Variants in DCC observed in about 807,000 individuals in gnomAD.
DCC encodes DCC netrin 1 receptor.
A neutral mutation model predicts 172.5 loss-of-function variants in DCC; 58 were observed. The observed-to-expected ratio is 0.34, with a 90% CI of 0.27 to 0.42. DCC has a LOEUF of 0.42. Among genes scored for constraint, DCC ranks in the 10% least tolerant of loss-of-function variants. The pLI is 1.00. For synonymous variants in DCC, 709 were observed against 644.5 expected (o/e 1.10, Z -1.52); for missense variants, 1,740 against 1,791.0 (o/e 0.97, Z 0.51).
chr18:52,987,224 G>T (rs1337527461), intron 5 of DCC, among the ~76,000 whole-genome samples: 1 of 152,056 alleles, frequency 6.6e-6, no homozygotes, highest in East Asian at 1.9e-4. Context: ...AAGCAATCAG[G>T]TTTTCACCAG....
chr18:53,333,811 T>C (rs1361460981), intron 14 of DCC, among the ~76,000 whole-genome samples: 1 of 152,250 alleles, frequency 6.6e-6, no homozygotes, highest in Non-Finnish European at 1.5e-5. Flanking sequence ...TTATTTTAAA[T>C]ACCACATATA....
intron 1 of DCC, among the ~76,000 whole-genome samples, chr18:52,451,397 G>C (rs935622614): frequency 6.6e-6 from 1 of 152,116 alleles, no homozygotes; most frequent in Admixed American, 6.5e-5. Context: ...GGAGGCAAGG[G>C]ATTCAAAAAG....
chr18:52,595,539 C>T (rs1288651158), intron 1 of DCC, among the ~76,000 whole-genome samples: 1 of 152,116 alleles, frequency 6.6e-6, no homozygotes, highest in Non-Finnish European at 1.5e-5. Flanking sequence ...ACATTCTTCC[C>T]TCATTCAAAT....
intron 9 of DCC, among the ~76,000 whole-genome samples, chr18:53,190,675 A>G (rs2055353366): frequency 6.6e-6 from 1 of 152,128 alleles, no homozygotes; most frequent in Admixed American, 6.5e-5. Context: ...AGCAGGGCGT[A>G]GTGGTTCACG....
At chr18:53,362,087 A>G (rs1302194716) in intron 15 of DCC, among the ~76,000 whole-genome samples, 1 of 152,186 alleles carries the variant, frequency 6.6e-6, no homozygotes, top group East Asian at 1.9e-4. Context: ...TGGTAATGAT[A>G]CAATAATAAT....
intron 15 of DCC, among the ~76,000 whole-genome samples, chr18:53,358,254 T>C (rs1033757073): frequency 2.0e-5 from 3 of 152,120 alleles, no homozygotes; most frequent in Non-Finnish European, 2.9e-5. Context: ...TATAATATAA[T>C]GCATTATTAT....
At chr18:52,506,531 C>A (rs945885916) in intron 1 of DCC, among the ~76,000 whole-genome samples, 1 of 151,912 alleles carries the variant, frequency 6.6e-6, no homozygotes, top group Non-Finnish European at 1.5e-5. Context: ...GTGCTCAGGA[C>A]AAATAAAGCA....
chr18:52,666,016 G>A (rs1363608548), intron 1 of DCC, among the ~76,000 whole-genome samples: 6 of 152,112 alleles, frequency 3.9e-5, no homozygotes, highest in Non-Finnish European at 5.9e-5. Flanking sequence ...TAAGAAATTC[G>A]GCCGGGTGCC....
At chr18:53,271,260 G>A (rs376197452) in intron 12 of DCC, among the ~76,000 whole-genome samples, 1 of 152,192 alleles carries the variant, frequency 6.6e-6, no homozygotes, top group South Asian at 2.1e-4. Context: ...ATTTAAAGGA[G>A]GTTTTTAACT....
chr18:53,112,804 A>G (rs2043352236), intron 7 of DCC, among the ~76,000 whole-genome samples: 1 of 151,584 alleles, frequency 6.6e-6, no homozygotes, highest in African/African-American at 2.4e-5. Flanking sequence ...ATAAGGCCAC[A>G]GAATATGGTG....
chr18:53,341,054 G>A lies in DCC; in HGVS notation c.2359+1147G>A, dbSNP rs532637773. 2.1e-4 allele frequency among the ~76,000 whole-genome samples: 32 copies of A among 152,270 alleles called. 1 individual carries two copies. Among genetic ancestry groups the A allele is most frequent in the South Asian group, 1.5e-3 (7 of 4,820 alleles). On this transcript the variant is annotated intron_variant, in intron 15 of 28. Coordinates refer to ENST00000442544, the MANE Select transcript of DCC (RefSeq NM_005215.4). ...ATCTCCACAATTTATTTAGCTTGGCGTTTAGAAATAATATTCTTTCCATCA... is the reference window on the plus strand; with the variant it reads ...ATCTCCACAATTTATTTAGCTTGGCATTTAGAAATAATATTCTTTCCATCA...
chr18:53,423,583 GTCT>G (rs1439610567), intron 21 of DCC, among the ~76,000 whole-genome samples: 2 of 152,120 alleles, frequency 1.3e-5, no homozygotes, highest in South Asian at 2.1e-4. Flanking sequence ...ACTAAGCAAA[GTCT>G]TCTTTGAGAC....
intron 5 of DCC, among the ~76,000 whole-genome samples, chr18:52,966,872 T>C (rs139200523): frequency 0.014 from 2,057 of 152,326 alleles, 60 homozygotes; most frequent in African/African-American, 0.047. Context: ...ACCACTTGAA[T>C]TGAATTTTGC....
chr18:52,988,239 T>C (rs138330724), intron 5 of DCC, among the ~76,000 whole-genome samples: 3 of 146,992 alleles, frequency 2.0e-5, no homozygotes. Flanking sequence ...GATGTAAGCA[T>C]ATTTTAAATT....
chr18:52,835,847 A>C (rs1257042354), intron 2 of DCC, among the ~76,000 whole-genome samples: 1 of 152,244 alleles, frequency 6.6e-6, no homozygotes. Flanking sequence ...AACATTTAAA[A>C]ATATTTCAAA....
intron 13 of DCC, among the ~76,000 whole-genome samples, chr18:53,311,286 T>TA (rs1475745623): frequency 6.6e-6 from 1 of 152,104 alleles, no homozygotes; most frequent in African/African-American, 2.4e-5. Flanking sequence ...CACACCTGGC[T>TA]AATTTTTTGT....
chr18:53,356,792 A>G (rs2057883300), intron 15 of DCC, among the ~76,000 whole-genome samples: 2 of 152,186 alleles, frequency 1.3e-5, no homozygotes, highest in African/African-American at 4.8e-5. Flanking sequence ...ATTCTTCCCC[A>G]TCAAACTCTT....
At chr18:52,618,088 C>A (rs2034417475) in intron 1 of DCC, among the ~76,000 whole-genome samples, 1 of 152,130 alleles carries the variant, frequency 6.6e-6, no homozygotes, top group Non-Finnish European at 1.5e-5. Flanking sequence ...ACATTAGAGA[C>A]CCCTTAGTCA....
intron 7 of DCC, among the ~76,000 whole-genome samples, chr18:53,089,515 T>C (rs2042971590): frequency 6.6e-6 from 1 of 152,140 alleles, no homozygotes; most frequent in South Asian, 2.1e-4. Flanking sequence ...TTACTAATTT[T>C]ATAACTGCTT....
Sources: gnomAD v4.1 joint callset for allele counts (sites outside exome capture counted in the v4.1 genomes callset) on GRCh38, gnomAD v4.1.1 for gene constraint, MANE v1.5 for transcripts, NCBI Gene and HGNC (gene_info 2026-07-23, HGNC 2026-07-21) for gene names.